Variants in CIITA observed in about 807,000 individuals in gnomAD.
CIITA encodes class II major histocompatibility complex transactivator, also known as MHC class II transactivator.
Under a neutral mutation model 115.1 loss-of-function variants are expected in CIITA, and 72 were observed. That is an observed-to-expected ratio of 0.63 (90% CI 0.52 to 0.76). CIITA has a LOEUF of 0.76. Ranked by LOEUF, CIITA falls within the 30% of genes least tolerant of loss-of-function variation. The probability of loss-of-function intolerance (pLI) is 0.00; values close to 1 mark genes in which losing one functional copy is unlikely to be tolerated. For missense variants in CIITA, 1,617 were observed against 1,463.8 expected, an observed-to-expected ratio of 1.10 and a Z score of -1.71; for synonymous variants, 763 against 635.6, an observed-to-expected ratio of 1.20 and a Z score of -3.02.
intron 9 of CIITA, 137 bp downstream of exon 9, chr16:10,904,032 G>A (rs11864014): frequency 0.074 from 86,263 of 1,169,810 alleles, 3,679 homozygotes; most frequent in Middle Eastern, 0.1. Flanking sequence ...TCGGGACAGG[G>A]AGGGTCTCCA....
chr16:10,916,689 C>A lies in CIITA; in HGVS notation c.3062+230C>A, dbSNP rs1006405271. ...TATAGGTGTGACTTACCATGCCCAG[C>A]CCCAGTGGATTCATCCATTCACTCA... On this transcript the variant is annotated intron_variant, in intron 15 of 19. Transcript: ENST00000324288. 37 of 563,984 alleles carry A rather than the reference C, an allele frequency of 6.6e-5. No individual in the cohort carries two copies. The Admixed American group carries it at 1.0e-3, about 16-fold the overall frequency. The allele number at this position is 563,984 out of a possible 1,614,324, so 34.9% of individuals were successfully genotyped here.
At chr16:10,915,147 C>G (rs1228947961) in intron 13 of CIITA, 3 of 423,518 alleles carry the variant, frequency 7.1e-6, no homozygotes, top group Non-Finnish European at 1.4e-5. Flanking sequence ...ACCTCCTGGG[C>G]TCAAGCGATG....
At chr16:10,905,677 G>A (rs780819244) in intron 10 of CIITA, among the ~76,000 whole-genome samples, 17 of 151,960 alleles carry the variant, frequency 1.1e-4, no homozygotes, top group South Asian at 2.1e-4. Context: ...CAGGAGAATC[G>A]CCTAAACCCA....
intron 7 of CIITA, among the ~76,000 whole-genome samples, 197 bp from the exon 8 acceptor site, chr16:10,902,461 T>C (rs1031884541): frequency 5.3e-5 from 8 of 152,206 alleles, no homozygotes; most frequent in African/African-American, 1.9e-4. Context: ...GTTCATCAGC[T>C]CTTCATGGAG....
intron 1 of CIITA, among the ~76,000 whole-genome samples, chr16:10,885,769 G>C (rs76186464): frequency 6.6e-6 from 1 of 152,138 alleles, no homozygotes; most frequent in Non-Finnish European, 1.5e-5. Flanking sequence ...TTGTTTCTTT[G>C]TGAACATCTA....
chr16:10,873,094 T>C (rs1409423509), upstream of CIITA, among the ~76,000 whole-genome samples: 1 of 152,194 alleles, frequency 6.6e-6, no homozygotes, highest in Non-Finnish European at 1.5e-5. Context: ...CATCTCAGCC[T>C]CCCAAGTAGC....
chr16:10,892,288 C>A (rs1286161780), intron 1 of CIITA, among the ~76,000 whole-genome samples: 1 of 151,780 alleles, frequency 6.6e-6, no homozygotes. Flanking sequence ...TGCACCACTG[C>A]ACTCCAGCCT....
intron 7 of CIITA, 136 bp downstream of exon 7, chr16:10,902,320 A>G (rs2144567976): frequency 1.5e-6 from 2 of 1,323,198 alleles, no homozygotes; most frequent in East Asian, 5.0e-5. Flanking sequence ...CCTCTGCCCC[A>G]GCCAGTTTTA....
chr16:10,891,450 T>C (rs1014668832), intron 1 of CIITA, among the ~76,000 whole-genome samples: 7 of 152,208 alleles, frequency 4.6e-5, no homozygotes, highest in Admixed American at 3.3e-4. Flanking sequence ...GGTAACTTAT[T>C]ATTTTATAGA....
rs1430242009 is a variant in CIITA at position 10,930,521 on chromosome 16, A to G, written c.*6666A>G. On this transcript the variant is annotated 3_prime_UTR_variant, in exon 20 of 20. Coordinates refer to ENST00000324288, the MANE Select transcript of CIITA (RefSeq NM_000246.4). ...TTGAGACCCATGCATCGTATAGGAT[A>G]AGAAACTGAGGTTCTTATCATTTAA... is the stretch of plus-strand genomic sequence containing the variant. The G allele has an allele frequency of 4.6e-5, 7 of 152,352 alleles. No homozygotes were observed. The East Asian group carries it at 1.2e-3, about 25-fold the overall frequency. 9.4% of individuals were successfully genotyped at this position (152,352 alleles called of 1,614,324 possible).
chr16:10,906,374 C>CA, intron 10 of CIITA, 125 bp from the exon 11 acceptor site: 1 of 1,220,332 alleles, frequency 8.2e-7, no homozygotes, highest in African/African-American at 1.5e-5. Context: ...CAAAACAAAA[C>CA]AAACAAACAA....
At chr16:10,895,864 C>A in intron 3 of CIITA, 100 bp downstream of exon 3, 3 of 1,144,608 alleles carry the variant, frequency 2.6e-6, no homozygotes, top group East Asian at 2.5e-5. Flanking sequence ...CGTCAGTCCC[C>A]TCCCACAGAA....
chr16:10,899,641 G>A (rs1194960404), intron 5 of CIITA, among the ~76,000 whole-genome samples: 1 of 152,176 alleles, frequency 6.6e-6, no homozygotes, highest in Non-Finnish European at 1.5e-5. Flanking sequence ...GTAGATATCT[G>A]TTGAATGAAA....
chr16:10,900,551 C>T (rs1020651348), intron 5 of CIITA, among the ~76,000 whole-genome samples: 1 of 151,764 alleles, frequency 6.6e-6, no homozygotes, highest in East Asian at 1.9e-4. Context: ...ACCAGCCTGG[C>T]CAACATGGTG....
In CIITA at chr16:10,895,327, G is replaced by A; in HGVS notation, c.98G>A (p.Gly33Asp). The A allele has an allele frequency of 6.2e-7, 1 of 1,614,070 alleles. No individual in the cohort carries two copies. Among genetic ancestry groups the A allele is most frequent in the Non-Finnish European group, 8.5e-7 (1 of 1,180,024 alleles). ...ATGGAGTTGGGGCCCCTAGAAGGTG[G>A]CTACCTGGAGCTTCTTAACAGCGAT... is the stretch of plus-strand genomic sequence containing the variant. ...ATMELGPLEG[G>D]YLELLNSDAD... Residue 33 changes from glycine (G) to aspartate (D), a missense_variant, in exon 2 of 20, where the codon GGC becomes GAC. By Grantham distance (94) the Gly-to-Asp change is moderately conservative (BLOSUM62 -1). Coordinates refer to ENST00000324288, the MANE Select transcript of CIITA (RefSeq NM_000246.4).
Position 10,877,217 on chromosome 16 carries a change from G to A in CIITA, c.-114G>A. On this transcript the variant is annotated 5_prime_UTR_variant, in exon 1 of 20. Transcript: ENST00000324288. ...GTGACTGGTTAGTGATGAGGCTAGTGATGAGGCTGTGTGCTTCTGAGCTGG... is the reference window on the plus strand; with the variant it reads ...GTGACTGGTTAGTGATGAGGCTAGTAATGAGGCTGTGTGCTTCTGAGCTGG... The A allele has an allele frequency of 1.1e-6, 1 of 873,876 alleles. No individual in the cohort carries two copies. The highest frequency in any genetic ancestry group is 1.4e-5 in the South Asian group (1 of 70,622). The allele number at this position is 873,876 out of a possible 1,614,324, so 54.1% of individuals were successfully genotyped here.
downstream of CIITA, chr16:10,937,349 C>T (rs2041043081): frequency 6.6e-6 from 1 of 152,332 alleles, no homozygotes; most frequent in African/African-American, 2.4e-5. This position sits in a 1 kb window ranked among gnomAD's most constrained non-coding sequence, Gnocchi z 4.2. Context: ...CTGACTGTGT[C>T]CCTGTGGAAG....
chr16:10,929,704 CA>C lies in CIITA; in HGVS notation c.*5850del, dbSNP rs2040694922. On this transcript the variant is annotated 3_prime_UTR_variant, in exon 20 of 20. Transcript: ENST00000324288. The surrounding 1 kb of genome is among the most constrained non-coding windows in gnomAD (Gnocchi z 4.3). ...CCTCCATCCCTCAAATTTAGGGAAC[CA>C]CTGGGAGCCCCAGACTCAGGCTGAA... 4.0e-6 allele frequency: 1 copy of C among 252,220 alleles called. No individual in the cohort carries two copies. Among genetic ancestry groups the C allele is most frequent in the East Asian group, 1.8e-4 (1 of 5,554 alleles). The allele number at this position is 252,220 out of a possible 1,614,324, so 15.6% of individuals were successfully genotyped here.
chr16:10,902,084 G>T lies in CIITA; in HGVS notation c.528G>T (p.Val176=). The change falls in exon 7 of 20, where the codon GTG becomes GTT. Residue 176 remains valine, a synonymous_variant. Coordinates refer to ENST00000324288, the MANE Select transcript of CIITA (RefSeq NM_000246.4). ...VVTGSLLVGP[V]SDCSTLPCLP... ...CTGGCAGTCTCCTAGTGGGACCAGT[G>T]AGCGACTGCTCCACCCTGCCCTGCC... 6.2e-7 allele frequency: 1 copy of T among 1,614,144 alleles called. No homozygotes were observed. Among genetic ancestry groups the T allele is most frequent in the South Asian group, 1.1e-5 (1 of 91,072 alleles).
Sources: allele counts gnomAD v4.1 joint callset (sites outside exome capture counted in the v4.1 genomes callset), GRCh38; gene constraint gnomAD v4.1.1; non-coding constraint Gnocchi (gnomAD v3.1); transcripts MANE v1.5; gene names NCBI Gene and HGNC (gene_info 2026-07-23, HGNC 2026-07-21).